WDR27: variants seen among roughly 807,000 people sequenced by gnomAD.
The protein encoded by WDR27 is WD repeat-containing protein 27.
A neutral mutation model predicts 114.4 loss-of-function variants in WDR27; 100 were observed. That is an observed-to-expected ratio of 0.87 (90% CI 0.74 to 1.03). The LOEUF (loss-of-function observed/expected upper bound fraction) is 1.03. Ranked by LOEUF, WDR27 falls within the 50% of genes least tolerant of loss-of-function variation. The probability of loss-of-function intolerance (pLI) is 0.00; values close to 1 mark genes in which losing one functional copy is unlikely to be tolerated. For synonymous variants in WDR27, 449 were observed against 423.1 expected (o/e 1.06, Z -0.75); for missense variants, 1,129 against 1,092.9 (o/e 1.03, Z -0.47).
intron 25 of WDR27, among the ~76,000 whole-genome samples, chr6:169,463,088 T>C (rs1033965324): frequency 2.0e-5 from 3 of 152,260 alleles, no homozygotes; most frequent in South Asian, 4.1e-4. Flanking sequence ...GTTCTGGAGA[T>C]AGGAATTCCA....
At chr6:169,607,937 A>T (rs1809600299) in intron 22 of WDR27, among the ~76,000 whole-genome samples, 1 of 151,476 alleles carries the variant, frequency 6.6e-6, no homozygotes, top group Non-Finnish European at 1.5e-5. Context: ...TCCCTGTGTG[A>T]ATGTCACAGA....
intron 21 of WDR27, among the ~76,000 whole-genome samples, chr6:169,627,697 G>C (rs1472475916): frequency 6.6e-6 from 1 of 152,170 alleles, no homozygotes; most frequent in African/African-American, 2.4e-5. Flanking sequence ...GAAGTGTCAG[G>C]AGCTGGTTGA....
intron 21 of WDR27, among the ~76,000 whole-genome samples, chr6:169,627,975 C>T (rs1815285070): frequency 6.6e-6 from 1 of 152,082 alleles, no homozygotes; most frequent in African/African-American, 2.4e-5. Context: ...CAAAAAATTC[C>T]ACACACAGAC....
intron 21 of WDR27, among the ~76,000 whole-genome samples, chr6:169,624,144 C>CATCAGGTGTGCT (rs1554322101): frequency 9.0e-6 from 1 of 111,174 alleles, no homozygotes; most frequent in East Asian, 8.5e-4. Flanking sequence ...TCAGGTGTGC[C>CATCAGGTGTGCT]GTGTGGGGCG....
intron 25 of WDR27, among the ~76,000 whole-genome samples, chr6:169,542,465 TA>T (rs1281278292): frequency 6.6e-6 from 1 of 152,152 alleles, no homozygotes; most frequent in Non-Finnish European, 1.5e-5. Context: ...TGTACTTTTT[TA>T]AAATGTCAAG....
At chr6:169,665,389 A>G (rs1827552013) in intron 7 of WDR27, 97 bp downstream of exon 7, 1 of 1,488,288 alleles carries the variant, frequency 6.7e-7, no homozygotes. Context: ...TTCAAATCGC[A>G]GGAAAATACA....
the WDR27 span, among the ~76,000 whole-genome samples, chr6:169,431,065 A>T: frequency 6.6e-6 from 1 of 152,196 alleles, no homozygotes. Context: ...TAGCTGCCCA[A>T]GTGAACTGCC....
At chr6:169,556,882 C>T (rs1314141195) in intron 25 of WDR27, among the ~76,000 whole-genome samples, 1 of 151,780 alleles carries the variant, frequency 6.6e-6, no homozygotes, top group Non-Finnish European at 1.5e-5. Context: ...GCAACCACCT[C>T]AAGGCTAAAA....
At chr6:169,537,057 G>T (rs1796275550) in intron 25 of WDR27, among the ~76,000 whole-genome samples, 1 of 152,130 alleles carries the variant, frequency 6.6e-6, no homozygotes, top group Non-Finnish European at 1.5e-5. Flanking sequence ...CAAACATCAT[G>T]ACTCTATTTA....
At chr6:169,568,743 A>G (rs1036101789) in intron 25 of WDR27, among the ~76,000 whole-genome samples, 3 of 152,228 alleles carry the variant, frequency 2.0e-5, no homozygotes, top group African/African-American at 7.2e-5. Flanking sequence ...TCATGGATTA[A>G]GGGGCCATGC....
intron 17 of WDR27, among the ~76,000 whole-genome samples, chr6:169,639,583 A>C (rs1357405907): frequency 6.6e-6 from 1 of 152,168 alleles, no homozygotes; most frequent in Non-Finnish European, 1.5e-5. Context: ...GATTTCTGAG[A>C]GCGCCAATGC....
At chr6:169,637,633 T>A (rs976424916) in intron 18 of WDR27, among the ~76,000 whole-genome samples, 2 of 151,990 alleles carry the variant, frequency 1.3e-5, no homozygotes, top group African/African-American at 4.8e-5. Flanking sequence ...TATGTAAGCA[T>A]GCGTATGTGT....
intron 25 of WDR27, among the ~76,000 whole-genome samples, chr6:169,527,328 G>A (rs1015172106): frequency 2.6e-5 from 4 of 152,136 alleles, no homozygotes; most frequent in African/African-American, 9.7e-5. Context: ...ACTAATACAT[G>A]ATATAACACA....
chr6:169,578,883 T>C (rs781373721), intron 24 of WDR27, among the ~76,000 whole-genome samples: 18 of 152,316 alleles, frequency 1.2e-4, no homozygotes, highest in African/African-American at 4.1e-4. Context: ...TACAGCCTGA[T>C]AGACACCTGT....
intron 22 of WDR27, among the ~76,000 whole-genome samples, chr6:169,612,552 G>A (rs1327567557): frequency 6.6e-6 from 1 of 150,910 alleles, no homozygotes; most frequent in Non-Finnish European, 1.5e-5. Context: ...TGGGGTGGTG[G>A]GGCAGGGAGG....
chr6:169,608,969 C>CT (rs1809883570), intron 22 of WDR27, among the ~76,000 whole-genome samples: 1 of 152,164 alleles, frequency 6.6e-6, no homozygotes, highest in Non-Finnish European at 1.5e-5. Context: ...AACAAAGGGG[C>CT]TAGAGGCCCC....
Position 169,670,634 on chromosome 6 carries a change from A to G in WDR27, c.391T>C (p.Leu131=). 6.2e-7 allele frequency: 1 copy of G among 1,613,978 alleles called. No homozygotes were observed. The highest frequency in any genetic ancestry group is 8.5e-7 in the Non-Finnish European group (1 of 1,179,882). ...GCAACAACATGATCATCCAGGCTCAACTGTAAACACAGCACCTTTCCCAAA... is the reference window on the plus strand; with the variant it reads ...GCAACAACATGATCATCCAGGCTCAGCTGTAAACACAGCACCTTTCCCAAA... ...SLLGKVLCLQ[L]SLDDHVVAVC... is the part of the protein sequence containing the mutation. Residue 131 remains leucine, a synonymous_variant, in exon 4 of 26, where the codon TTG becomes CTG. Transcript: ENST00000448612.
chr6:169,477,459 G>A (rs2115362248), intron 25 of WDR27, among the ~76,000 whole-genome samples: 1 of 152,198 alleles, frequency 6.6e-6, no homozygotes, highest in South Asian at 2.1e-4. Context: ...TTTTCTTTGA[G>A]ACAGAGTCTG....
intron 24 of WDR27, among the ~76,000 whole-genome samples, chr6:169,578,613 G>C (rs1293649822): frequency 6.6e-6 from 1 of 152,192 alleles, no homozygotes; most frequent in South Asian, 2.1e-4. Context: ...TGCAAACTCT[G>C]AACTGCATAT....
Sources: gnomAD v4.1 joint callset for allele counts (sites outside exome capture counted in the v4.1 genomes callset) on GRCh38, gnomAD v4.1.1 for gene constraint, MANE v1.5 for transcripts, NCBI Gene and HGNC (gene_info 2026-07-23, HGNC 2026-07-21) for gene names.